Variants in KIAA0825 observed in about 807,000 individuals in gnomAD.
KIAA0825 encodes KIAA0825.
A neutral mutation model predicts 147.6 loss-of-function variants in KIAA0825; 119 were observed. That is an observed-to-expected ratio of 0.81 (90% CI 0.69 to 0.94). KIAA0825 has a LOEUF of 0.94. Ranked by LOEUF, KIAA0825 falls within the 40% of genes least tolerant of loss-of-function variation. KIAA0825 has a pLI of 0.00. For missense variants in KIAA0825, 1,381 were observed against 1,472.7 expected, an observed-to-expected ratio of 0.94 and a Z score of 1.02; for synonymous variants, 470 against 518.1, an observed-to-expected ratio of 0.91 and a Z score of 1.26.
chr5:94,463,411 G>A (rs1200499352), intron 11 of KIAA0825, among the ~76,000 whole-genome samples: 1 of 148,708 alleles, frequency 6.7e-6, no homozygotes, highest in Non-Finnish European at 1.5e-5. Context: ...AATAATATAT[G>A]ACACATATAT....
chr5:94,487,494 C>T (rs1450865338), intron 5 of KIAA0825, among the ~76,000 whole-genome samples: 1 of 152,152 alleles, frequency 6.6e-6, no homozygotes, highest in Admixed American at 6.5e-5. Flanking sequence ...ACTTATTTTA[C>T]CTCACAGTAT....
intron 10 of KIAA0825, among the ~76,000 whole-genome samples, chr5:94,466,141 CT>C (rs1222895520): frequency 6.6e-6 from 1 of 151,820 alleles, no homozygotes; most frequent in Non-Finnish European, 1.5e-5. Flanking sequence ...AAAAAAAAAT[CT>C]GCTGTTCTCT....
intron 20 of KIAA0825, among the ~76,000 whole-genome samples, chr5:94,371,058 G>A (rs537545335): frequency 2.0e-5 from 3 of 150,418 alleles, no homozygotes; most frequent in Admixed American, 6.6e-5. Context: ...GTGGGGGAGC[G>A]GGTGGGATAT....
chr5:94,182,917 G>A (rs1431701807), intron 20 of KIAA0825, among the ~76,000 whole-genome samples: 1 of 152,172 alleles, frequency 6.6e-6, no homozygotes, highest in African/African-American at 2.4e-5. Context: ...GGTATCTCTA[G>A]TAAGGTAGGG....
At chr5:94,603,422 G>T (rs1388946542) in intron 1 of KIAA0825, among the ~76,000 whole-genome samples, 3 of 152,116 alleles carry the variant, frequency 2.0e-5, no homozygotes, top group Non-Finnish European at 2.9e-5. Flanking sequence ...GCTACTGAAA[G>T]AAGCACTAAA....
At chr5:94,176,119 G>A (rs1042105887) in intron 20 of KIAA0825, among the ~76,000 whole-genome samples, 11 of 152,110 alleles carry the variant, frequency 7.2e-5, no homozygotes, top group African/African-American at 2.7e-4. Flanking sequence ...GTTGAGAGGT[G>A]TTTGGGTCAT....
intron 15 of KIAA0825, 85 bp downstream of exon 15, chr5:94,417,116 G>A (rs1584431841): frequency 1.6e-6 from 2 of 1,266,660 alleles, no homozygotes; most frequent in Non-Finnish European, 2.2e-6. Context: ...AGCAAAACCA[G>A]TATCAATACA....
chr5:94,499,588 G>C (rs116063834), intron 5 of KIAA0825, among the ~76,000 whole-genome samples: 2 of 126,974 alleles, frequency 1.6e-5, no homozygotes, highest in African/African-American at 3.3e-5. Context: ...CCCAATCTGG[G>C]GGGGGGGGGG....
intron 20 of KIAA0825, among the ~76,000 whole-genome samples, chr5:94,192,956 T>C (rs1158772971): frequency 6.6e-6 from 1 of 152,216 alleles, no homozygotes; most frequent in South Asian, 2.1e-4. Context: ...CCAATTACTA[T>C]ATTATCTTCA....
intron 20 of KIAA0825, among the ~76,000 whole-genome samples, chr5:94,356,864 A>G (rs773613758): frequency 4.0e-5 from 6 of 151,380 alleles, no homozygotes; most frequent in Non-Finnish European, 8.8e-5. Context: ...AGCTGGGACT[A>G]CAGGTGCGCA....
At chr5:94,343,265 C>T (rs151126133) in intron 20 of KIAA0825, among the ~76,000 whole-genome samples, 66 of 152,266 alleles carry the variant, frequency 4.3e-4, no homozygotes, top group Non-Finnish European at 7.6e-4. Flanking sequence ...TTTAAAATAT[C>T]TTCATGACTT....
Position 94,569,738 on chromosome 5 carries a change from G to A in KIAA0825, c.-2+12695C>T, listed in dbSNP as rs1046515498. 7.7e-5 allele frequency: 22 copies of A among 285,378 alleles called. 1 individual carries two copies. In the East Asian group the frequency reaches 1.2e-3, roughly 15 times the overall value. 17.7% of individuals were successfully genotyped at this position (285,378 alleles called of 1,614,324 possible). The stretch of plus-strand genomic sequence containing the variant: ...TGCTTCAACCGCCTTCTCATCAATC[G>A]CCCACATCACCTGAGACGTAAACCA... On this transcript the variant is annotated intron_variant, in intron 2 of 20. Transcript: ENST00000682413.
chr5:94,446,132 T>G lies in KIAA0825; in HGVS notation c.2358-6011A>C, dbSNP rs138288710. ...CACACAGATCAAATGTTCCCACCAT[T>G]TAATATAGCACTTATGCAATACAAT... On this transcript the variant is annotated intron_variant, in intron 13 of 20. Coordinates refer to ENST00000682413, the MANE Select transcript of KIAA0825 (RefSeq NM_001145678.3). Among the ~76,000 whole-genome samples, 709 of 152,354 alleles carry G rather than the reference T, an allele frequency of 4.7e-3. 12 individuals are homozygous for G. Among genetic ancestry groups the G allele is most frequent in the Middle Eastern group, 0.044 (13 of 294 alleles).
At position 94,309,875 on chromosome 5, in the gene KIAA0825, A is replaced by T. The variant is rs377312204; in HGVS notation, c.3710+74493T>A. 2.4e-4 allele frequency among the ~76,000 whole-genome samples: 36 copies of T among 151,744 alleles called. 2 individuals are homozygous for T. The South Asian group carries it at 7.5e-3, about 32-fold the overall frequency. ...TCTGTTTGTGGACAGATATCCGTGGATGCCTTTAGGATTCTATTTAGCTGG... is the reference window on the plus strand; with the variant it reads ...TCTGTTTGTGGACAGATATCCGTGGTTGCCTTTAGGATTCTATTTAGCTGG... On this transcript the variant is annotated intron_variant, in intron 20 of 20. Transcript: ENST00000682413.
chr5:94,280,369 G>T (rs1186465011), intron 20 of KIAA0825, among the ~76,000 whole-genome samples: 1 of 151,998 alleles, frequency 6.6e-6, no homozygotes, highest in Non-Finnish European at 1.5e-5. Flanking sequence ...AGCCATGAGG[G>T]ATCCAGATTA....
intron 20 of KIAA0825, among the ~76,000 whole-genome samples, chr5:94,185,320 T>C (rs1479643993): frequency 6.6e-6 from 1 of 152,190 alleles, no homozygotes; most frequent in African/African-American, 2.4e-5. Context: ...CATACTGTAA[T>C]TAACCACATA....
chr5:94,473,706 A>G (rs1761492417), intron 7 of KIAA0825, among the ~76,000 whole-genome samples, 187 bp from the exon 8 acceptor site: 1 of 152,242 alleles, frequency 6.6e-6, no homozygotes, highest in Non-Finnish European at 1.5e-5. Flanking sequence ...AAACATGTGC[A>G]TTCTTTACAC....
chr5:94,523,519 T>C (rs995919843), intron 4 of KIAA0825, among the ~76,000 whole-genome samples: 5 of 151,690 alleles, frequency 3.3e-5, no homozygotes, highest in East Asian at 3.9e-4. Context: ...GGCCACTTAA[T>C]AGACACAATA....
At chr5:94,533,318 C>T (rs561667102) in intron 3 of KIAA0825, among the ~76,000 whole-genome samples, 1 of 144,380 alleles carries the variant, frequency 6.9e-6, no homozygotes, top group Admixed American at 7.0e-5. Context: ...GCTCTGTTGC[C>T]GAGGCTGGAG....
Sources: allele counts gnomAD v4.1 joint callset (sites outside exome capture counted in the v4.1 genomes callset), GRCh38; gene constraint gnomAD v4.1.1; transcripts MANE v1.5; gene names NCBI Gene and HGNC (gene_info 2026-07-23, HGNC 2026-07-21).